The following FANCC variants were observed in gnomAD, a reference collection of about 807,000 sequenced individuals.
FANCC encodes the protein Fanconi anemia group C protein.
FANCC carries 55 observed loss-of-function variants against 71.3 expected under a neutral mutation model. The observed-to-expected ratio is 0.77, with a 90% CI of 0.62 to 0.97. FANCC has a LOEUF of 0.97. Ranked by LOEUF, FANCC falls within the 50% of genes least tolerant of loss-of-function variation. FANCC has a pLI of 0.00. For synonymous variants in FANCC, 275 were observed against 244.9 expected (o/e 1.12, Z -1.15); for missense variants, 678 against 670.9 (o/e 1.01, Z -0.12).
chr9:95,121,373 G>A (rs1279722895), intron 10 of FANCC, among the ~76,000 whole-genome samples: 1 of 152,200 alleles, frequency 6.6e-6, no homozygotes, highest in African/African-American at 2.4e-5. Flanking sequence ...TGACATGAGT[G>A]CTTCTGATGA....
At position 95,240,761 on chromosome 9, in the gene FANCC, T is replaced by TTTTATCAAGTTGATA; in HGVS notation, c.251-19_251-18insTATCAACTTGATAAA. On this transcript the variant is annotated intron_variant, in intron 3 of 14. Coordinates refer to ENST00000289081, the MANE Select transcript of FANCC (RefSeq NM_000136.3). ...GCTTTCATCTACAAAAAGGAAAACT[T>TTTTATCAAGTTGATA]AATAAGTTTTATCAAGCAGAAAAAA... The TTTTATCAAGTTGATA allele has an allele frequency of 7.0e-7, 1 of 1,425,606 alleles. No homozygotes were observed. Among genetic ancestry groups the TTTTATCAAGTTGATA allele is most frequent in the East Asian group, 2.3e-5 (1 of 43,818 alleles). The allele number at this position is 1,425,606 out of a possible 1,614,324, so 88.3% of individuals were successfully genotyped here.
chr9:95,165,410 T>C (rs1324528265), intron 6 of FANCC, among the ~76,000 whole-genome samples: 8 of 152,020 alleles, frequency 5.3e-5, no homozygotes, highest in Admixed American at 5.2e-4. Flanking sequence ...TCTTCTTTTT[T>C]AATGTAGGCA....
chr9:95,150,178 CA>C (rs1199655110), intron 6 of FANCC, 91 bp from the exon 7 acceptor site: 1 of 1,353,074 alleles, frequency 7.4e-7, no homozygotes, highest in Non-Finnish European at 1.0e-6. Context: ...AGGTCAAAGA[CA>C]GATCACCTGT....
chr9:95,108,888 A>C (rs994075389), intron 13 of FANCC, among the ~76,000 whole-genome samples: 7 of 150,736 alleles, frequency 4.6e-5, no homozygotes, highest in African/African-American at 1.7e-4. Flanking sequence ...CACTGTATCT[A>C]TAGAACATGC....
At chr9:95,137,963 C>T (rs550313082) in intron 7 of FANCC, among the ~76,000 whole-genome samples, 23 of 152,346 alleles carry the variant, frequency 1.5e-4, no homozygotes, top group East Asian at 1.4e-3. Flanking sequence ...CTGGCGGTAA[C>T]GGGAGTGATC....
intron 1 of FANCC, chr9:95,292,846 G>A: frequency 1.3e-6 from 2 of 1,585,808 alleles, no homozygotes; most frequent in South Asian, 2.2e-5. Flanking sequence ...AGCAAGTGCA[G>A]CAATTCGTAC....
intron 1 of FANCC, among the ~76,000 whole-genome samples, chr9:95,300,159 T>G (rs1299784565): frequency 6.6e-6 from 1 of 152,178 alleles, no homozygotes; most frequent in African/African-American, 2.4e-5. Flanking sequence ...ATTCAGCAAG[T>G]ATCGTATTTA....
Position 95,135,399 on chromosome 9 carries a change from T to C in FANCC, c.790A>G (p.Ser264Gly), listed in dbSNP as rs111657009. Residue 264 changes from serine to glycine, a missense_variant, in exon 8 of 15, where the codon AGT (serine) becomes GGT (glycine). By Grantham distance (56) the Ser-to-Gly change is moderately conservative (BLOSUM62 0). Coordinates refer to ENST00000289081, the MANE Select transcript of FANCC (RefSeq NM_000136.3). ...MLHLFEKLIS[S>G]ERNCLRRIEC... ...ATCCTTCTCAGACAATTTCTCTCAC[T>C]GGAGATTAGCTTTTCAAAAAGATGC... 6 of 1,614,044 alleles carry C rather than the reference T, an allele frequency of 3.7e-6. No homozygotes were observed. The African/African-American group carries it at 8.0e-5, about 22-fold the overall frequency.
At chr9:95,184,479 C>T (rs866686495) in intron 4 of FANCC, among the ~76,000 whole-genome samples, 82 of 152,230 alleles carry the variant, frequency 5.4e-4, no homozygotes, top group African/African-American at 1.9e-3. Context: ...CACCACTCCC[C>T]GGCAAAGCAT....
chr9:95,163,028 CG>C (rs1276801978), intron 6 of FANCC, among the ~76,000 whole-genome samples: 1 of 152,152 alleles, frequency 6.6e-6, no homozygotes, highest in Non-Finnish European at 1.5e-5. Flanking sequence ...AAGATCATTG[CG>C]AAGTCCAATG....
At chr9:95,193,044 A>C (rs1348191240) in intron 4 of FANCC, among the ~76,000 whole-genome samples, 1 of 152,240 alleles carries the variant, frequency 6.6e-6, no homozygotes, top group Non-Finnish European at 1.5e-5. Context: ...TTGGAGATGT[A>C]GCAGCCAACA....
At chr9:95,269,052 T>C (rs746345668) in intron 1 of FANCC, among the ~76,000 whole-genome samples, 4 of 152,208 alleles carry the variant, frequency 2.6e-5, no homozygotes, top group Non-Finnish European at 4.4e-5. Flanking sequence ...TCAATCTAGT[T>C]GGCTGTGTCT....
chr9:95,117,740 T>G (rs1014799154), intron 10 of FANCC, among the ~76,000 whole-genome samples: 1 of 151,002 alleles, frequency 6.6e-6, no homozygotes, highest in African/African-American at 2.4e-5. Flanking sequence ...TTTTTTTTTT[T>G]GAAACGGAGT....
chr9:95,164,806 T>A (rs1260676084), intron 6 of FANCC, among the ~76,000 whole-genome samples: 1 of 152,118 alleles, frequency 6.6e-6, no homozygotes. Context: ...ACAAAATGAG[T>A]TTGGAAATGT....
At chr9:95,136,824 A>G (rs1827770666) in intron 7 of FANCC, among the ~76,000 whole-genome samples, 1 of 152,176 alleles carries the variant, frequency 6.6e-6, no homozygotes, top group South Asian at 2.1e-4. Context: ...TTCTAAAGGA[A>G]CATATATTAA....
chr9:95,268,734 T>C (rs566744128), intron 1 of FANCC, among the ~76,000 whole-genome samples: 1 of 152,164 alleles, frequency 6.6e-6, no homozygotes, highest in Non-Finnish European at 1.5e-5. Context: ...TAGGTTCCCC[T>C]GGAAAGCAGA....
intron 1 of FANCC, among the ~76,000 whole-genome samples, chr9:95,264,421 C>T (rs1353419375): frequency 6.6e-6 from 1 of 152,176 alleles, no homozygotes; most frequent in Non-Finnish European, 1.5e-5. Context: ...AGATTGTTAA[C>T]ATTTAAAACA....
At chr9:95,170,361 AATTTCTG>A (rs1261454488) in intron 6 of FANCC, among the ~76,000 whole-genome samples, 2 of 151,884 alleles carry the variant, frequency 1.3e-5, no homozygotes, top group Non-Finnish European at 2.9e-5. Context: ...GGACAAAGAC[AATTTCTG>A]ATAGAGCTTG....
In FANCC at chr9:95,240,579, T is replaced by A. The variant is rs1193101312; in HGVS notation, c.345+70A>T. The A allele has an allele frequency of 4.9e-6, 6 of 1,217,198 alleles. No homozygotes were observed. The African/African-American group carries it at 7.5e-5, about 15-fold the overall frequency. The allele number at this position is 1,217,198 out of a possible 1,614,324, so 75.4% of individuals were successfully genotyped here. On this transcript the variant is annotated intron_variant, in intron 4 of 14. Transcript: ENST00000289081. Reference sequence around the variant, plus strand: ...AACTGGATTCCACCCCACCCCAAAATTTTTTTAAGCAGCACTTTTAAATAA... The same window carrying A: ...AACTGGATTCCACCCCACCCCAAAAATTTTTTAAGCAGCACTTTTAAATAA...
Sources: gnomAD v4.1 joint callset for allele counts (sites outside exome capture counted in the v4.1 genomes callset) on GRCh38, gnomAD v4.1.1 for gene constraint, MANE v1.5 for transcripts, NCBI Gene and HGNC (gene_info 2026-07-23, HGNC 2026-07-21) for gene names.